The following CDH12 variants were observed in gnomAD, a reference collection of about 807,000 sequenced individuals.
CDH12 encodes the protein cadherin-12.
Under a neutral mutation model 74.1 loss-of-function variants are expected in CDH12, and 41 were observed. The observed-to-expected ratio is 0.55, with a 90% CI of 0.43 to 0.72. The LOEUF (loss-of-function observed/expected upper bound fraction) is 0.72, where lower values mean the gene tolerates loss of function less well. CDH12 is among the 30% of genes least tolerant of loss of function. The probability of loss-of-function intolerance (pLI) is 0.00; values close to 1 mark genes in which losing one functional copy is unlikely to be tolerated. For synonymous variants in CDH12, 399 were observed against 355.0 expected (o/e 1.12, Z -1.39); for missense variants, 945 against 977.2 (o/e 0.97, Z 0.44).
intron 1 of CDH12, among the ~76,000 whole-genome samples, chr5:22,664,860 C>G (rs930840186): frequency 1.1e-4 from 16 of 152,182 alleles, no homozygotes; most frequent in Non-Finnish European, 1.8e-4. Context: ...TATTATATTT[C>G]ATTTGAATTT....
At chr5:22,360,213 A>C (rs1740739549) in intron 3 of CDH12, among the ~76,000 whole-genome samples, 1 of 152,194 alleles carries the variant, frequency 6.6e-6, no homozygotes, top group South Asian at 2.1e-4. Flanking sequence ...AAAAGAGAAG[A>C]ATCAAATAGA....
rs181073721 is a variant in CDH12 at position 22,804,551 on chromosome 5, T to A, written c.-523+48507A>T. On this transcript the variant is annotated intron_variant, in intron 1 of 14. Transcript: ENST00000382254. ...AATGAATCGATCAGGCTGAAACCTC[T>A]GGCAGCATTTGATGCCTCAGCCTTG... Among the ~76,000 whole-genome samples, 32 of 152,300 alleles carry A rather than the reference T, an allele frequency of 2.1e-4. No homozygotes were observed. In the East Asian group the frequency reaches 5.6e-3, roughly 27 times the overall value.
chr5:22,181,799 G>C (rs921556912), intron 4 of CDH12, among the ~76,000 whole-genome samples: 2 of 151,920 alleles, frequency 1.3e-5, no homozygotes, highest in Admixed American at 6.6e-5. Flanking sequence ...AGTCATCCTT[G>C]ATCTCTCTCT....
In CDH12 at chr5:22,668,484, G is replaced by A. The variant is rs1345086352; in HGVS notation, c.-522-163120C>T. 1.3e-5 allele frequency among the ~76,000 whole-genome samples: 2 copies of A among 152,272 alleles called. 1 individual carries two copies. Among genetic ancestry groups the A allele is most frequent in the South Asian group, 4.1e-4 (2 of 4,824 alleles). On this transcript the variant is annotated intron_variant, in intron 1 of 14. Transcript: ENST00000382254. ...TATTTCTCATAATTATGGAGGCTGA[G>A]AAGTCCAAGGTTGAGGATCTGCATC...
chr5:22,570,111 A>G (rs1490022431), intron 1 of CDH12, among the ~76,000 whole-genome samples: 1 of 151,884 alleles, frequency 6.6e-6, no homozygotes, highest in Non-Finnish European at 1.5e-5. Flanking sequence ...GCTGGAGTGC[A>G]GTGGAGTGAT....
intron 3 of CDH12, among the ~76,000 whole-genome samples, chr5:22,257,352 A>T (rs573929572): frequency 3.5e-4 from 53 of 152,202 alleles, no homozygotes; most frequent in African/African-American, 1.2e-3. Flanking sequence ...TTAAAAATTT[A>T]AAAAAATTAA....
rs74327081 is a variant in CDH12, at chr5:21,916,980, T to C, written c.526+58111A>G. 7.7e-3 allele frequency among the ~76,000 whole-genome samples: 1,178 copies of C among 152,300 alleles called. 18 individuals carry two copies. The highest frequency in any genetic ancestry group is 0.027 in the African/African-American group (1,118 of 41,570). ...CCATTTTAGAAGACTAGCACCTGGC[T>C]CTTAGGCAGTGGCAGTGCCTTTATC... On this transcript the variant is annotated intron_variant, in intron 6 of 14. Coordinates refer to ENST00000382254, the MANE Select transcript of CDH12 (RefSeq NM_004061.5).
At chr5:21,853,439 G>A (rs1750581328) in intron 7 of CDH12, among the ~76,000 whole-genome samples, 1 of 151,496 alleles carries the variant, frequency 6.6e-6, no homozygotes, top group South Asian at 2.1e-4. Context: ...ATAACGGAGT[G>A]ACTCCCTGTT....
chr5:22,128,725 C>G (rs1211018091), intron 4 of CDH12, among the ~76,000 whole-genome samples: 1 of 152,096 alleles, frequency 6.6e-6, no homozygotes, highest in African/African-American at 2.4e-5. Context: ...CTGAGAAGTA[C>G]AGTCTTCAAA....
At chr5:22,106,132 G>T (rs941832423) in intron 4 of CDH12, among the ~76,000 whole-genome samples, 6 of 152,088 alleles carry the variant, frequency 3.9e-5, no homozygotes, top group Non-Finnish European at 8.8e-5. Flanking sequence ...CTACTTGAGG[G>T]TGGAGGGTGG....
chr5:22,311,621 T>G (rs1738392174), intron 3 of CDH12, among the ~76,000 whole-genome samples: 1 of 150,640 alleles, frequency 6.6e-6, no homozygotes, highest in South Asian at 2.1e-4. Flanking sequence ...GATAATCGCT[T>G]GAACCTGGGA....
chr5:22,760,408 CG>C (rs1300323294), intron 1 of CDH12, among the ~76,000 whole-genome samples: 1 of 152,014 alleles, frequency 6.6e-6, no homozygotes, highest in East Asian at 1.9e-4. Context: ...GGGCCGGGCG[CG>C]GTGGCTCCCG....
At chr5:22,345,502 C>T (rs1322559002) in intron 3 of CDH12, among the ~76,000 whole-genome samples, 1 of 152,092 alleles carries the variant, frequency 6.6e-6, no homozygotes, top group East Asian at 1.9e-4. Flanking sequence ...ATGGTCAGAA[C>T]TTGATGTAAG....
At chr5:22,089,396 A>G (rs1743281141) in intron 4 of CDH12, among the ~76,000 whole-genome samples, 1 of 152,212 alleles carries the variant, frequency 6.6e-6, no homozygotes. Context: ...GAAGGAGCCT[A>G]GACAGTGGAC....
chr5:21,832,091 T>C (rs763012759), intron 8 of CDH12, among the ~76,000 whole-genome samples: 1 of 152,098 alleles, frequency 6.6e-6, no homozygotes, highest in East Asian at 1.9e-4. Flanking sequence ...TTATTTAATA[T>C]CTTTCAGAAA....
At chr5:22,350,312 T>A (rs6874148) in intron 3 of CDH12, among the ~76,000 whole-genome samples, 10,978 of 152,244 alleles carry the variant, frequency 0.072, 456 homozygotes, top group South Asian at 0.17. Context: ...GCTACAAGGT[T>A]TTTTTCAGTT....
chr5:22,712,625 T>C (rs868495077), intron 1 of CDH12, among the ~76,000 whole-genome samples: 3 of 152,180 alleles, frequency 2.0e-5, no homozygotes, highest in South Asian at 2.1e-4. Flanking sequence ...GTTGTAGACA[T>C]TGTTCTGAAA....
intron 3 of CDH12, among the ~76,000 whole-genome samples, chr5:22,312,201 A>G (rs1738423759): frequency 6.6e-6 from 1 of 152,208 alleles, no homozygotes; most frequent in Non-Finnish European, 1.5e-5. Context: ...AGATAAAATG[A>G]GTTTTCAGTA....
chr5:22,060,322 T>C (rs1367174129), intron 5 of CDH12, among the ~76,000 whole-genome samples: 2 of 149,266 alleles, frequency 1.3e-5, no homozygotes, highest in Non-Finnish European at 3.0e-5. Context: ...CTGTTGGGGG[T>C]TGGGGGGCAA....
Sources: allele counts gnomAD v4.1 joint callset (sites outside exome capture counted in the v4.1 genomes callset), GRCh38; gene constraint gnomAD v4.1.1; transcripts MANE v1.5; gene names NCBI Gene and HGNC (gene_info 2026-07-23, HGNC 2026-07-21).